The following NCAM1 variants were observed in gnomAD, a reference collection of about 807,000 sequenced individuals.
NCAM1 encodes neural cell adhesion molecule 1, also known as antigen recognized by monoclonal antibody 5.1H11.
Under a neutral mutation model 109.8 loss-of-function variants are expected in NCAM1, and 14 were observed. The observed-to-expected ratio is 0.13, with a 90% CI of 0.08 to 0.20. The LOEUF (loss-of-function observed/expected upper bound fraction) is 0.20, where lower values mean the gene tolerates loss of function less well. Ranked by LOEUF, NCAM1 falls within the 10% of genes least tolerant of loss-of-function variation. The pLI, the probability that NCAM1 is intolerant of heterozygous loss-of-function variation, is 1.00. For synonymous variants in NCAM1, 418 were observed against 442.9 expected (o/e 0.94, Z 0.70); for missense variants, 774 against 1,109.9 (o/e 0.70, Z 4.30).
intron 18 of NCAM1, among the ~76,000 whole-genome samples, chr11:113,271,295 A>G (rs553510572): frequency 2.9e-4 from 41 of 140,544 alleles, no homozygotes; most frequent in African/African-American, 1.1e-3. Context: ...GCTTGAACCC[A>G]GGAGGCGGAG....
chr11:112,982,081 C>T (rs1364329762), intron 1 of NCAM1, among the ~76,000 whole-genome samples: 6 of 151,894 alleles, frequency 4.0e-5, no homozygotes, highest in Non-Finnish European at 7.4e-5. Flanking sequence ...GGATGCACTT[C>T]CCTATAAGAT....
At chr11:113,090,257 A>T (rs1466191059) in intron 1 of NCAM1, among the ~76,000 whole-genome samples, 1 of 152,234 alleles carries the variant, frequency 6.6e-6, no homozygotes, top group Non-Finnish European at 1.5e-5. Flanking sequence ...GGTAACATTC[A>T]TGATGACTTT....
intron 1 of NCAM1, among the ~76,000 whole-genome samples, chr11:113,015,278 T>G (rs1565383310): frequency 6.6e-6 from 1 of 152,232 alleles, no homozygotes; most frequent in Non-Finnish European, 1.5e-5. Flanking sequence ...TGGCAGTAGC[T>G]GGCAAGCCAT....
chr11:112,988,874 C>A (rs1393249453), intron 1 of NCAM1, among the ~76,000 whole-genome samples: 1 of 151,684 alleles, frequency 6.6e-6, no homozygotes, highest in Non-Finnish European at 1.5e-5. Flanking sequence ...CAGCCACCCA[C>A]GTAGCTGGGA....
chr11:113,082,765 A>G (rs1169737134), intron 1 of NCAM1, among the ~76,000 whole-genome samples: 4 of 152,198 alleles, frequency 2.6e-5, no homozygotes, highest in Admixed American at 1.3e-4. Context: ...AGGTTAAATA[A>G]GAAGAGCTTA....
In NCAM1 at chr11:113,275,358, C is replaced by T; in HGVS notation, c.2548C>T (p.Gln850Ter). The T allele has an allele frequency of 6.2e-7, 1 of 1,613,374 alleles. No individual in the cohort carries two copies. Among genetic ancestry groups the T allele is most frequent in the Non-Finnish European group, 8.5e-7 (1 of 1,179,624 alleles). The change falls in exon 20 of 20, where the codon CAG (glutamine) becomes TAG (stop). Residue 850 changes from glutamine (Q) to a stop codon, truncating the protein, a stop_gained. Transcript: ENST00000316851. LOFTEE classifies it high-confidence loss of function. The part of the protein sequence containing the change: ...EVKTVPNDAT[Q>*]TKENESKA ...CAAGACGGTCCCCAATGACGCCACA[C>T]AGACAAAGGAGAACGAGAGCAAAGC... is the stretch of plus-strand genomic sequence containing the variant.
chr11:113,215,620 A>C (rs1555114275), intron 8 of NCAM1, among the ~76,000 whole-genome samples: 1 of 152,230 alleles, frequency 6.6e-6, no homozygotes, highest in African/African-American at 2.4e-5. Context: ...AACTGCATCA[A>C]ATGGAACAGA....
At chr11:113,236,233 A>C in intron 14 of NCAM1, 2 of 1,355,656 alleles carry the variant, frequency 1.5e-6, no homozygotes, top group Non-Finnish European at 2.0e-6. Flanking sequence ...TTTACATCTT[A>C]TTTTTTTTTT....
chr11:113,007,771 C>T (rs1207283029), intron 1 of NCAM1, among the ~76,000 whole-genome samples: 1 of 152,134 alleles, frequency 6.6e-6, no homozygotes, highest in Non-Finnish European at 1.5e-5. Flanking sequence ...TGCTGCATTG[C>T]CAGTGTTCTT....
chr11:113,065,930 A>T (rs1341512098), intron 1 of NCAM1, among the ~76,000 whole-genome samples: 1 of 152,224 alleles, frequency 6.6e-6, no homozygotes, highest in African/African-American at 2.4e-5. Context: ...TGTGAACACA[A>T]TTTTCCCTAC....
chr11:113,090,003 A>G (rs1939267687), intron 1 of NCAM1, among the ~76,000 whole-genome samples: 1 of 152,204 alleles, frequency 6.6e-6, no homozygotes, highest in African/African-American at 2.4e-5. Context: ...AAATACATAG[A>G]TTGACGAAAA....
At chr11:113,155,903 G>A (rs1051609283) in intron 1 of NCAM1, among the ~76,000 whole-genome samples, 3 of 151,968 alleles carry the variant, frequency 2.0e-5, no homozygotes, top group South Asian at 2.1e-4. Context: ...TGATGGAGAC[G>A]TTCTCTGAAG....
chr11:113,092,429 T>G (rs1256626009), intron 1 of NCAM1, among the ~76,000 whole-genome samples: 1 of 152,092 alleles, frequency 6.6e-6, no homozygotes, highest in Non-Finnish European at 1.5e-5. Flanking sequence ...TTGCAACAAC[T>G]CTGGAGGCAG....
chr11:113,196,493 A>C (rs1216889909), intron 1 of NCAM1, among the ~76,000 whole-genome samples: 1 of 152,204 alleles, frequency 6.6e-6, no homozygotes, highest in East Asian at 1.9e-4. Context: ...AACCGAAATA[A>C]TTTCTTTGGG....
intron 1 of NCAM1, among the ~76,000 whole-genome samples, chr11:113,124,237 G>A (rs1262647419): frequency 1.3e-5 from 2 of 152,216 alleles, no homozygotes; most frequent in African/African-American, 4.8e-5. Flanking sequence ...GGAGGGGCAA[G>A]TGGGGAGTGT....
rs539743098 is a variant in NCAM1, at chr11:113,095,771, A to G, written c.53-106608A>G. 2.4e-4 allele frequency among the ~76,000 whole-genome samples: 37 copies of G among 152,362 alleles called. 2 individuals carry two copies. In the South Asian group the frequency reaches 7.7e-3, roughly 32 times the overall value. On this transcript the variant is annotated intron_variant, in intron 1 of 19. Transcript: ENST00000316851. ...ATTTAAGTTGGGAGCCAGTTGGATT[A>G]GCCTTGTGCTTTAGCCCCAGACATT... is the stretch of plus-strand genomic sequence containing the variant.
intron 1 of NCAM1, among the ~76,000 whole-genome samples, chr11:112,973,280 CAT>C (rs1442891624): frequency 1.3e-5 from 2 of 152,078 alleles, no homozygotes; most frequent in African/African-American, 2.4e-5. Flanking sequence ...ATTCTGTTCA[CAT>C]GAGAGGCTGC....
At chr11:113,198,209 G>A (rs1591408359) in intron 1 of NCAM1, among the ~76,000 whole-genome samples, 1 of 152,214 alleles carries the variant, frequency 6.6e-6, no homozygotes, top group East Asian at 1.9e-4. Flanking sequence ...ACTTGGAACT[G>A]CAACCCAGTC....
At chr11:113,118,674 T>G (rs1940814947) in intron 1 of NCAM1, among the ~76,000 whole-genome samples, 1 of 151,956 alleles carries the variant, frequency 6.6e-6, no homozygotes, top group South Asian at 2.1e-4. Flanking sequence ...AAAAAAAGTT[T>G]CGGTGAATAG....
Sources: gnomAD v4.1 joint callset for allele counts (sites outside exome capture counted in the v4.1 genomes callset) on GRCh38, gnomAD v4.1.1 for gene constraint, MANE v1.5 for transcripts, NCBI Gene and HGNC (gene_info 2026-07-23, HGNC 2026-07-21) for gene names.